MAPK10: variants seen among roughly 807,000 people sequenced by gnomAD.
MAPK10 encodes the protein mitogen-activated protein kinase 10, also known as JNK3 alpha protein kinase.
Under a neutral mutation model 59.3 loss-of-function variants are expected in MAPK10, and 25 were observed. The observed-to-expected ratio is 0.42, with a 90% CI of 0.31 to 0.59. MAPK10 has a LOEUF of 0.59. Ranked by LOEUF, MAPK10 falls within the 20% of genes least tolerant of loss-of-function variation. MAPK10 has a pLI of 0.15. For synonymous variants in MAPK10, 190 were observed against 200.5 expected (o/e 0.95, Z 0.44); for missense variants, 351 against 568.9 (o/e 0.62, Z 3.90).
At chr4:86,082,484 A>G (rs987154399) in intron 9 of MAPK10, 9 of 152,334 alleles carry the variant, frequency 5.9e-5, no homozygotes, top group Admixed American at 5.2e-4. Context: ...CATTTGATTG[A>G]ATAAAATTCA....
chr4:86,425,830 G>C (rs970186920), intron 1 of MAPK10, among the ~76,000 whole-genome samples: 8 of 152,252 alleles, frequency 5.3e-5, no homozygotes, highest in African/African-American at 1.9e-4. Context: ...AATTAGCTGG[G>C]CATGGTGGCA....
chr4:86,167,571 A>G (rs1009094166), intron 3 of MAPK10, among the ~76,000 whole-genome samples: 1 of 152,230 alleles, frequency 6.6e-6, no homozygotes, highest in Non-Finnish European at 1.5e-5. Flanking sequence ...AACATATGCA[A>G]TCAATAAATG....
intron 9 of MAPK10, among the ~76,000 whole-genome samples, chr4:86,071,236 G>T (rs2047878873): frequency 6.6e-6 from 1 of 151,982 alleles, no homozygotes; most frequent in Non-Finnish European, 1.5e-5. Flanking sequence ...TTTTAATGGG[G>T]TTGTTTGTTT....
chr4:86,547,383 G>A (rs561203916), intron 1 of MAPK10, among the ~76,000 whole-genome samples: 23 of 152,340 alleles, frequency 1.5e-4, no homozygotes, highest in Non-Finnish European at 2.2e-4. Context: ...CTGCGGACCC[G>A]CACTCCCAGC....
intron 1 of MAPK10, among the ~76,000 whole-genome samples, chr4:86,559,791 T>G (rs540991556): frequency 6.6e-6 from 1 of 151,962 alleles, no homozygotes; most frequent in East Asian, 1.9e-4. Flanking sequence ...ATACAAAAAT[T>G]AGCTGGGTGT....
At chr4:86,031,274 AT>A (rs2038959205) in intron 12 of MAPK10, 93 bp downstream of exon 12, 3 of 895,914 alleles carry the variant, frequency 3.3e-6, no homozygotes, top group African/African-American at 3.4e-5. Flanking sequence ...TCAGCAAATC[AT>A]TTTTTAGTAA....
At chr4:86,450,338 C>T (rs1448472017) in intron 1 of MAPK10, among the ~76,000 whole-genome samples, 1 of 152,180 alleles carries the variant, frequency 6.6e-6, no homozygotes, top group African/African-American at 2.4e-5. Context: ...TAACCCCAGA[C>T]ACTCCAAAGC....
chr4:86,031,538 CG>C, intron 11 of MAPK10, 107 bp from the exon 12 acceptor site: 1 of 738,494 alleles, frequency 1.4e-6, no homozygotes, highest in South Asian at 1.6e-5. Context: ...TGATTTCAAC[CG>C]TATATAAGTT....
chr4:86,090,069 A>G (rs188346512), intron 9 of MAPK10, among the ~76,000 whole-genome samples: 3 of 152,226 alleles, frequency 2.0e-5, no homozygotes, highest in African/African-American at 7.2e-5. Flanking sequence ...CAGAACTTAA[A>G]ACCAGGAAGC....
In MAPK10 at chr4:86,328,094, C is replaced by A. The variant is rs116702375; in HGVS notation, c.-7+26436G>T. ...TGAAGAAGTGAGTAGGTCATGAGGA[C>A]TCTTTCCTCATGAAGGAGATTAAAG... On this transcript the variant is annotated intron_variant, in intron 2 of 13. Coordinates refer to ENST00000641462, the MANE Select transcript of MAPK10 (RefSeq NM_138982.4). 2.4e-3 allele frequency among the ~76,000 whole-genome samples: 370 copies of A among 152,230 alleles called. 3 individuals are homozygous for A. The highest frequency in any genetic ancestry group is 8.5e-3 in the African/African-American group (352 of 41,540).
At chr4:86,477,968 T>C (rs1292717128) in intron 1 of MAPK10, among the ~76,000 whole-genome samples, 1 of 152,054 alleles carries the variant, frequency 6.6e-6, no homozygotes, top group Non-Finnish European at 1.5e-5. Context: ...ACGGACAGCC[T>C]CCATTACTTC....
At chr4:86,189,758 T>C (rs2079199746) in intron 3 of MAPK10, among the ~76,000 whole-genome samples, 1 of 152,180 alleles carries the variant, frequency 6.6e-6, no homozygotes, top group Non-Finnish European at 1.5e-5. Context: ...CTTGCCTGAT[T>C]GCCCCAGTCA....
chr4:86,262,553 T>C (rs7663773), intron 2 of MAPK10, among the ~76,000 whole-genome samples: 7,705 of 152,222 alleles, frequency 0.051, 629 homozygotes, highest in African/African-American at 0.18. Flanking sequence ...ACACGCCTCA[T>C]GACTAGGCTC....
At chr4:86,592,813 T>A (rs1215140714) in intron 1 of MAPK10, among the ~76,000 whole-genome samples, 1 of 152,222 alleles carries the variant, frequency 6.6e-6, no homozygotes, top group African/African-American at 2.4e-5. Flanking sequence ...TAAATTCCCC[T>A]CTTCCATAAA....
chr4:86,461,829 C>T lies in MAPK10; in HGVS notation c.-262-107185G>A, dbSNP rs537388046. ...AAAAGTAGTTGCCCCAGTAACTGTT[C>T]GAGCAGCACCTTGAGTGACCACTCT... is the stretch of plus-strand genomic sequence containing the variant. On this transcript the variant is annotated intron_variant, in intron 1 of 4. Coordinates refer to the MAPK10 transcript ENST00000502302. 3.2e-4 allele frequency among the ~76,000 whole-genome samples: 48 copies of T among 152,226 alleles called. No individual in the cohort carries two copies. In the South Asian group the frequency reaches 3.5e-3, roughly 11 times the overall value.
At chr4:86,359,259 TTTTCCTCTCTC>T (rs1564707416) in intron 1 of MAPK10, among the ~76,000 whole-genome samples, 1 of 134,032 alleles carries the variant, frequency 7.5e-6, no homozygotes, top group African/African-American at 2.8e-5. Context: ...GGTGTTTTTT[TTTTCCTCTCTC>T]TCTCTCTCTC....
At chr4:86,124,569 T>G (rs952843167) in intron 4 of MAPK10, 1 of 151,942 alleles carries the variant, frequency 6.6e-6, no homozygotes, top group South Asian at 2.1e-4. Flanking sequence ...GAATAGCTAT[T>G]ATTATTAACA....
At chr4:86,434,186 C>T (rs977601653) in intron 1 of MAPK10, among the ~76,000 whole-genome samples, 1 of 152,082 alleles carries the variant, frequency 6.6e-6, no homozygotes, top group Admixed American at 6.6e-5. Context: ...AACTGGAGAA[C>T]TATATGCAGA....
intron 4 of MAPK10, among the ~76,000 whole-genome samples, chr4:86,157,026 T>C (rs190157800): frequency 2.2e-4 from 33 of 152,190 alleles, no homozygotes; most frequent in African/African-American, 7.7e-4. Flanking sequence ...TAGCTTTTGT[T>C]TAATCATGCT....
Sources: allele counts gnomAD v4.1 joint callset (sites outside exome capture counted in the v4.1 genomes callset), GRCh38; gene constraint gnomAD v4.1.1; transcripts MANE v1.5; gene names NCBI Gene and HGNC (gene_info 2026-07-23, HGNC 2026-07-21).